APLP2: variants seen among roughly 807,000 people sequenced by gnomAD.
APLP2 encodes CDEI box-binding protein.
A neutral mutation model predicts 89.9 loss-of-function variants in APLP2; 53 were observed. That is an observed-to-expected ratio of 0.59 (90% CI 0.47 to 0.74). APLP2 has a LOEUF of 0.74. Among genes scored for constraint, APLP2 ranks in the 30% least tolerant of loss-of-function variants. APLP2 has a pLI of 0.00. For synonymous variants in APLP2, 372 were observed against 348.6 expected (o/e 1.07, Z -0.75); for missense variants, 973 against 975.9 (o/e 1.00, Z 0.04).
chr11:130,129,662 A>G (rs1038994854), intron 10 of APLP2, among the ~76,000 whole-genome samples: 5 of 152,164 alleles, frequency 3.3e-5, no homozygotes, highest in African/African-American at 1.2e-4. Flanking sequence ...GATGGAAAGT[A>G]TTGGGAGGAT....
chr11:130,074,877 C>T (rs1012239418), intron 1 of APLP2, among the ~76,000 whole-genome samples: 3 of 152,090 alleles, frequency 2.0e-5, no homozygotes, highest in East Asian at 1.9e-4. Flanking sequence ...AATCTTTGTA[C>T]AGTAATTGTA....
chr11:130,090,930 G>A (rs1286727104), intron 1 of APLP2, among the ~76,000 whole-genome samples: 4 of 149,260 alleles, frequency 2.7e-5, no homozygotes, highest in Non-Finnish European at 6.0e-5. Flanking sequence ...CGGGGCGGCT[G>A]GCCGGGCGGG....
chr11:130,140,321 G>A, intron 13 of APLP2, 77 bp from the exon 14 acceptor site: 2 of 1,150,372 alleles, frequency 1.7e-6, no homozygotes, highest in Non-Finnish European at 1.2e-6. Context: ...GCCCTCAGGA[G>A]GGAGTTTGCT....
chr11:130,132,112 C>G (rs953120284), intron 11 of APLP2, among the ~76,000 whole-genome samples: 3 of 152,108 alleles, frequency 2.0e-5, no homozygotes, highest in African/African-American at 7.2e-5. Context: ...TGGTTCTTGT[C>G]CTCTGTGAGT....
At chr11:130,100,522 G>T (rs1253702130) in intron 1 of APLP2, 1 of 152,000 alleles carries the variant, frequency 6.6e-6, no homozygotes, top group Admixed American at 6.6e-5. Context: ...TCATGTCAGA[G>T]ACACATACTG....
At chr11:130,120,845 C>T (rs1201587870) in intron 4 of APLP2, 27 bp downstream of exon 4, 2 of 1,520,178 alleles carry the variant, frequency 1.3e-6, no homozygotes, top group Non-Finnish European at 1.8e-6. Flanking sequence ...GGAAAGTCAG[C>T]TGCTGTTGTA....
intron 1 of APLP2, among the ~76,000 whole-genome samples, chr11:130,097,737 G>A (rs567702686): frequency 6.6e-6 from 1 of 152,202 alleles, no homozygotes; most frequent in East Asian, 1.9e-4. Flanking sequence ...TCCAGTGTTT[G>A]GTTTTTATGG....
chr11:130,091,536 C>G (rs1466030169), intron 1 of APLP2, among the ~76,000 whole-genome samples: 12 of 134,230 alleles, frequency 8.9e-5, no homozygotes, highest in African/African-American at 3.3e-4. Context: ...GCTGGCCGGG[C>G]GGGGGGCTGA....
At chr11:130,130,647 T>G (rs1488107818) in intron 11 of APLP2, among the ~76,000 whole-genome samples, 1 of 152,254 alleles carries the variant, frequency 6.6e-6, no homozygotes, top group Non-Finnish European at 1.5e-5. Context: ...AGTTTTACTT[T>G]TTTGTATTCA....
At chr11:130,096,892 G>A (rs1946278998) in intron 1 of APLP2, among the ~76,000 whole-genome samples, 1 of 151,692 alleles carries the variant, frequency 6.6e-6, no homozygotes, top group East Asian at 2.0e-4. Context: ...TTAACTAATA[G>A]CCAGTGCAGC....
At chr11:130,133,826 C>A in intron 12 of APLP2, 98 bp downstream of exon 12, 5 of 893,208 alleles carry the variant, frequency 5.6e-6, no homozygotes, top group Non-Finnish European at 9.1e-6. Context: ...GCAAGCAAGG[C>A]CGGTGAAGTG....
In APLP2 at chr11:130,121,739, AGAAGAGGAAGAGGAAGAT is replaced by A; in HGVS notation, c.660_677del (p.Asp220_Glu225del). On this transcript the variant is annotated inframe_deletion, in exon 5 of 17. Transcript: ENST00000338167. ...CAAAGATTATTGGATCTGTGTCAAA[AGAAGAGGAAGAGGAAGAT>A]GAAGAGGAAGAGGAAGAGGAAGATG... 8.0e-5 allele frequency: 129 copies of A among 1,613,218 alleles called. No homozygotes were observed. The highest frequency in any genetic ancestry group is 5.0e-4 in the Middle Eastern group (3 of 6,054).
rs770139399 is a variant in APLP2 at position 130,140,470 on chromosome 11, T to C, written c.1910T>C (p.Val637Ala). 6.2e-7 allele frequency: 1 copy of C among 1,610,696 alleles called. No homozygotes were observed. The highest frequency in any genetic ancestry group is 8.5e-7 in the Non-Finnish European group (1 of 1,178,648). The part of the protein sequence containing the change: ...EEKVINSKNK[V>A]DENMVIDETL... ...AAAGTGATTAACAGTAAGAATAAAG[T>C]GGATGAAAACATGGTGAGCCTGTTC... Residue 637 changes from valine (V) to alanine (A), a missense_variant, in exon 14 of 17, where the codon GTG becomes GCG. By Grantham distance (64) the Val-to-Ala change is moderately conservative. Coordinates refer to ENST00000338167, the MANE Select transcript of APLP2 (RefSeq NM_001142276.2).
chr11:130,107,614 A>T (rs1197232424), intron 1 of APLP2, among the ~76,000 whole-genome samples: 2 of 152,216 alleles, frequency 1.3e-5, no homozygotes, highest in African/African-American at 4.8e-5. Flanking sequence ...AGGAAGAATC[A>T]ATATTGTGAA....
chr11:130,091,222 A>ACC (rs71040411), intron 1 of APLP2, among the ~76,000 whole-genome samples: 1 of 49,194 alleles, frequency 2.0e-5, no homozygotes, highest in Non-Finnish European at 4.1e-5. Context: ...AGGGGGGCTG[A>ACC]CCCCCCCCAC....
chr11:130,139,240 T>C (rs142671426), intron 13 of APLP2: 1 of 152,240 alleles, frequency 6.6e-6, no homozygotes, highest in Non-Finnish European at 1.5e-5. Context: ...TCAGCAGCTG[T>C]GGAAGCTGTT....
At chr11:130,132,181 C>T (rs1951003166) in intron 11 of APLP2, among the ~76,000 whole-genome samples, 1 of 152,176 alleles carries the variant, frequency 6.6e-6, no homozygotes. Context: ...AGCAGGACAA[C>T]ACTTGCTGAA....
In APLP2 at chr11:130,141,901, G is replaced by A. The variant is rs1235516230; in HGVS notation, c.1999-18G>A. 4 of 1,585,814 alleles carry A rather than the reference G, an allele frequency of 2.5e-6. No individual in the cohort carries two copies. Among genetic ancestry groups the A allele is most frequent in the Non-Finnish European group, 2.6e-6 (3 of 1,159,446 alleles). ...GATGGTCACTGGGACTTTTTTCCACGTCTGCTTTATTACGTAGGAATCCGT... is the reference window on the plus strand; with the variant it reads ...GATGGTCACTGGGACTTTTTTCCACATCTGCTTTATTACGTAGGAATCCGT... On this transcript the variant is annotated intron_variant, in intron 15 of 16. Coordinates refer to ENST00000338167, the MANE Select transcript of APLP2 (RefSeq NM_001142276.2). This position sits in a 1 kb window ranked among gnomAD's most constrained non-coding sequence, Gnocchi z 4.2.
At chr11:130,108,224 TTAAAC>T (rs1437135179) in intron 1 of APLP2, among the ~76,000 whole-genome samples, 2 of 152,184 alleles carry the variant, frequency 1.3e-5, no homozygotes, top group Non-Finnish European at 2.9e-5. Context: ...TGGGATCTAA[TTAAAC>T]TAAAGAGCTT....
Sources: allele counts gnomAD v4.1 joint callset (sites outside exome capture counted in the v4.1 genomes callset), GRCh38; gene constraint gnomAD v4.1.1; non-coding constraint Gnocchi (gnomAD v3.1); transcripts MANE v1.5; gene names NCBI Gene and HGNC (gene_info 2026-07-23, HGNC 2026-07-21).